ZNF676: variants seen among roughly 807,000 people sequenced by gnomAD.
The protein encoded by ZNF676 is zinc finger protein 676.
Under a neutral mutation model 6.0 loss-of-function variants are expected in ZNF676, and 4 were observed. That is an observed-to-expected ratio of 0.67 (90% CI 0.33 to 1.53). The LOEUF is 1.53. Among genes scored for constraint, ZNF676 ranks in the 40% most tolerant of loss-of-function variants. ZNF676 has a pLI of 0.06. For missense variants in ZNF676, 644 were observed against 679.7 expected, an observed-to-expected ratio of 0.95 and a Z score of 0.58; for synonymous variants, 198 against 223.1, an observed-to-expected ratio of 0.89 and a Z score of 1.00.
the ZNF676 span, among the ~76,000 whole-genome samples, chr19:22,222,493 TG>T: frequency 6.6e-6 from 1 of 152,220 alleles, no homozygotes; most frequent in Non-Finnish European, 1.5e-5. Flanking sequence ...TCAATTTCAA[TG>T]GCTTTAAACA....
the ZNF676 span, chr19:22,245,495 T>A: frequency 2.8e-5 from 2 of 72,140 alleles, no homozygotes; most frequent in East Asian, 5.2e-4. Context: ...CCCAGAGATA[T>A]GTCACAATGC....
At chr19:22,202,095 T>C (rs534661118) in intron 1 of ZNF676, among the ~76,000 whole-genome samples, 144 of 152,254 alleles carry the variant, frequency 9.5e-4, no homozygotes, top group African/African-American at 3.4e-3. Context: ...AGCTGCAAAT[T>C]CAGGTCCTGC....
intron 1 of ZNF676, among the ~76,000 whole-genome samples, chr19:22,205,414 C>CAA (rs989377964): frequency 6.6e-6 from 1 of 152,056 alleles, no homozygotes; most frequent in African/African-American, 2.4e-5. Flanking sequence ...AGAAAAAAAA[C>CAA]AATTCTCAGC....
rs138156112 is a variant in ZNF676 at position 22,212,847 on chromosome 19, T to C, written c.3+2785A>G. ...CCATCTCTACCAAAAATACAAAAAT[T>C]AGCCAGGCATGTGGGTGCACGCCTG... On this transcript the variant is annotated intron_variant, in intron 1 of 3. Coordinates refer to the ZNF676 transcript ENST00000650058. 8.4e-3 allele frequency among the ~76,000 whole-genome samples: 1,275 copies of C among 151,814 alleles called. 18 individuals are homozygous for C. Among genetic ancestry groups the C allele is most frequent in the Non-Finnish European group, 0.011 (734 of 67,956 alleles).
chr19:22,187,236 A>G (rs1453800168), intron 2 of ZNF676, among the ~76,000 whole-genome samples: 1 of 152,216 alleles, frequency 6.6e-6, no homozygotes, highest in African/African-American at 2.4e-5. Flanking sequence ...CCGTACAATT[A>G]CATGGAAAAT....
the ZNF676 span, among the ~76,000 whole-genome samples, chr19:22,240,335 C>G: frequency 6.6e-6 from 1 of 151,830 alleles, no homozygotes; most frequent in Non-Finnish European, 1.5e-5. Context: ...TGATATGTCT[C>G]AATGTCTTCC....
At chr19:22,219,512 T>G (rs1466441808), upstream of ZNF676, among the ~76,000 whole-genome samples, 2 of 152,212 alleles carry the variant, frequency 1.3e-5, no homozygotes, top group African/African-American at 4.8e-5. Context: ...TATTTTTTGC[T>G]TTACTCTGAT....
At chr19:22,204,173 G>A (rs999590264) in intron 1 of ZNF676, among the ~76,000 whole-genome samples, 8 of 152,046 alleles carry the variant, frequency 5.3e-5, no homozygotes, top group Non-Finnish European at 1.2e-4. Flanking sequence ...CTAAAATTAT[G>A]CCTACCTATA....
chr19:22,187,976 A>G (rs1345822448), intron 2 of ZNF676, among the ~76,000 whole-genome samples: 1 of 152,120 alleles, frequency 6.6e-6, no homozygotes. Context: ...TATTCCCAAC[A>G]ATAGAAAAAG....
Position 22,181,333 on chromosome 19 carries a change from T to C in ZNF676, c.384A>G (p.Ser128=). ...YANVFHKCSN[S]NRHKIRHTGE... The stretch of plus-strand genomic sequence containing the variant: ...CAGTATGCCTTATCTTATGTCTGTT[T>C]GAATTTGAACATTTATGAAAGACGT... Residue 128 remains serine (S), a synonymous_variant, in exon 3 of 3, where the codon TCA becomes TCG. Coordinates refer to ENST00000397121, the MANE Select transcript of ZNF676 (RefSeq NM_001001411.3). The C allele has an allele frequency of 6.2e-7, 1 of 1,613,784 alleles. No individual in the cohort carries two copies. Among genetic ancestry groups the C allele is most frequent in the African/African-American group, 1.3e-5 (1 of 75,054 alleles).
intron 1 of ZNF676, among the ~76,000 whole-genome samples, chr19:22,215,374 G>A (rs1004810461): frequency 6.6e-6 from 1 of 152,146 alleles, no homozygotes; most frequent in Non-Finnish European, 1.5e-5. Context: ...GCACAATCTG[G>A]GAGAGACTCC....
chr19:22,188,079 A>C (rs2144741681), intron 2 of ZNF676, among the ~76,000 whole-genome samples: 1 of 152,306 alleles, frequency 6.6e-6, no homozygotes, highest in South Asian at 2.1e-4. Context: ...TTTCAGGCCA[A>C]TATCCCTGAT....
chr19:22,243,482 C>T, the ZNF676 span: 1 of 151,990 alleles, frequency 6.6e-6, no homozygotes, highest in South Asian at 2.1e-4. Flanking sequence ...AGATATGTTA[C>T]AGAAAACCTT....
At chr19:22,222,973 G>A in the ZNF676 span, among the ~76,000 whole-genome samples, 2 of 152,212 alleles carry the variant, frequency 1.3e-5, no homozygotes, top group African/African-American at 2.4e-5. Context: ...AGGTCACTGT[G>A]TGGGATTCTA....
chr19:22,228,942 T>C, the ZNF676 span, among the ~76,000 whole-genome samples: 1 of 152,166 alleles, frequency 6.6e-6, no homozygotes, highest in Non-Finnish European at 1.5e-5. Flanking sequence ...AGGTAATTTA[T>C]AGACCCAATG....
the ZNF676 span, chr19:22,244,225 G>A: frequency 2.0e-5 from 3 of 151,932 alleles, no homozygotes; most frequent in Non-Finnish European, 4.4e-5. Context: ...TGTATTTTTA[G>A]TAGAGACAGA....
the ZNF676 span, among the ~76,000 whole-genome samples, chr19:22,234,512 C>T: frequency 1.3e-5 from 2 of 152,182 alleles, no homozygotes. Flanking sequence ...ATAGGCAGTT[C>T]AGGTCGCATA....
At chr19:22,233,145 G>A in the ZNF676 span, among the ~76,000 whole-genome samples, 1 of 152,036 alleles carries the variant, frequency 6.6e-6, no homozygotes, top group African/African-American at 2.4e-5. Context: ...ATATTCATAT[G>A]AAGAATTATT....
intron 2 of ZNF676, among the ~76,000 whole-genome samples, chr19:22,192,450 C>G (rs1176782733): frequency 6.6e-6 from 1 of 151,910 alleles, no homozygotes; most frequent in African/African-American, 2.4e-5. Flanking sequence ...AAAATACAAT[C>G]ATAAAATTTA....
Sources: allele counts gnomAD v4.1 joint callset (sites outside exome capture counted in the v4.1 genomes callset), GRCh38; gene constraint gnomAD v4.1.1; transcripts MANE v1.5; gene names NCBI Gene and HGNC (gene_info 2026-07-23, HGNC 2026-07-21).